NCKAP5: variants seen among roughly 807,000 people sequenced by gnomAD.
NCKAP5 encodes the protein NCK associated protein 5.
In NCKAP5, 92 loss-of-function variants were observed where a neutral mutation model predicts 167.0. The observed-to-expected ratio is 0.55, with a 90% CI of 0.47 to 0.66. The LOEUF (loss-of-function observed/expected upper bound fraction) is 0.66. NCKAP5 is among the 30% of genes least tolerant of loss of function. NCKAP5 has a pLI of 0.00. For synonymous variants in NCKAP5, 891 were observed against 877.4 expected, an observed-to-expected ratio of 1.02 and a Z score of -0.27; for missense variants, 2,378 against 2,315.0, an observed-to-expected ratio of 1.03 and a Z score of -0.56.
At chr2:133,097,870 C>G (rs1409056295) in intron 6 of NCKAP5, among the ~76,000 whole-genome samples, 1 of 152,096 alleles carries the variant, frequency 6.6e-6, no homozygotes, top group African/African-American at 2.4e-5. Flanking sequence ...GTTTGGGATT[C>G]CTGATGAGTA....
chr2:133,470,043 A>G (rs1056605544), intron 3 of NCKAP5, among the ~76,000 whole-genome samples: 3,014 of 152,066 alleles, frequency 0.02, 105 homozygotes, highest in African/African-American at 0.069. Flanking sequence ...GCTTTGTTCC[A>G]TTGCTGGTGA....
At chr2:132,981,701 C>T (rs543320405) in intron 7 of NCKAP5, among the ~76,000 whole-genome samples, 3 of 152,146 alleles carry the variant, frequency 2.0e-5, no homozygotes, top group Non-Finnish European at 4.4e-5. Context: ...CCTTCCCCTT[C>T]GAATACTATG....
rs567709426 is a variant in NCKAP5, at chr2:133,088,164, G to A, written c.341+41814C>T. Among the ~76,000 whole-genome samples the A allele has an allele frequency of 9.2e-5, 14 of 152,222 alleles. No individual in the cohort carries two copies. In the South Asian group the frequency reaches 1.7e-3, roughly 18 times the overall value. ...AGATTAACTGTAGAATCTTCACACC[G>A]ATCTGATGTGTAAGAATCAAGTAAT... On this transcript the variant is annotated intron_variant, in intron 6 of 19. Transcript: ENST00000409261.
intron 8 of NCKAP5, among the ~76,000 whole-genome samples, chr2:132,887,365 TTCCATCCATCCATCCA>T (rs142512555): frequency 7.5e-6 from 1 of 133,810 alleles, no homozygotes; most frequent in Non-Finnish European, 1.6e-5. Flanking sequence ...CCATCCATCT[TTCCATCCATCCATCCA>T]TCCATCCATC....
chr2:132,852,953 T>C (rs1358603275), intron 11 of NCKAP5, among the ~76,000 whole-genome samples: 1 of 152,208 alleles, frequency 6.6e-6, no homozygotes, highest in South Asian at 2.1e-4. Context: ...TGAAACTGTG[T>C]CTAAACTATC....
At chr2:132,758,668 C>T (rs1289786454) in intron 16 of NCKAP5, among the ~76,000 whole-genome samples, 1 of 152,102 alleles carries the variant, frequency 6.6e-6, no homozygotes, top group Non-Finnish European at 1.5e-5. Flanking sequence ...CTTTCCCTCT[C>T]TCTCTCCTCT....
At chr2:132,776,402 C>A (rs1365791961) in intron 15 of NCKAP5, among the ~76,000 whole-genome samples, 2 of 152,216 alleles carry the variant, frequency 1.3e-5, no homozygotes, top group Non-Finnish European at 2.9e-5. Flanking sequence ...TCCTACCTGT[C>A]AGCTCCTTGC....
At chr2:133,441,419 T>A (rs780113072) in intron 3 of NCKAP5, among the ~76,000 whole-genome samples, 3 of 152,306 alleles carry the variant, frequency 2.0e-5, no homozygotes, top group Non-Finnish European at 4.4e-5. Context: ...AAAAGCCTAA[T>A]TCTAATAAAA....
At chr2:133,632,934 C>T in the NCKAP5 span, among the ~76,000 whole-genome samples, 2 of 152,132 alleles carry the variant, frequency 1.3e-5, no homozygotes, top group Non-Finnish European at 1.5e-5. Context: ...AAAAGAATCA[C>T]CTTAAGTTTA....
the NCKAP5 span, among the ~76,000 whole-genome samples, chr2:133,575,998 G>A: frequency 6.6e-6 from 1 of 152,248 alleles, no homozygotes; most frequent in Non-Finnish European, 1.5e-5. Context: ...CTCCATGCTA[G>A]CATGGTGCTA....
At chr2:132,785,794 G>A (rs1683518545) in intron 13 of NCKAP5, 76 bp from the exon 14 acceptor site, 2 of 1,224,234 alleles carry the variant, frequency 1.6e-6, no homozygotes, top group Middle Eastern at 2.1e-4. Flanking sequence ...AGTACATCAT[G>A]GGACTTAATT....
Position 132,980,292 on chromosome 2 carries a change from C to T in NCKAP5, c.429+13860G>A, listed in dbSNP as rs952435475. ...CAGGTGTGAGCCACTGCACCCAGCC[C>T]GCAATGATTCTTAACCCAGGCTTCA... On this transcript the variant is annotated intron_variant, in intron 7 of 19. Transcript: ENST00000409261. Among the ~76,000 whole-genome samples, 176 of 152,112 alleles carry T rather than the reference C, an allele frequency of 1.2e-3. 2 individuals are homozygous for T. The highest frequency in any genetic ancestry group is 2.2e-3 in the Admixed American group (33 of 15,278).
At position 133,202,122 on chromosome 2, in the gene NCKAP5, C is replaced by T. The variant is rs188515861; in HGVS notation, c.207+11594G>A. ...AACAAAGCTGGAGGCATCATGCTAC[C>T]TGACTTCAAACTATACTACAAGGCT... On this transcript the variant is annotated intron_variant, in intron 5 of 19. Transcript: ENST00000409261. 2.9e-3 allele frequency among the ~76,000 whole-genome samples: 447 copies of T among 152,256 alleles called. 1 individual carries two copies. Among genetic ancestry groups the T allele is most frequent in the African/African-American group, 9.4e-3 (389 of 41,544 alleles).
intron 8 of NCKAP5, among the ~76,000 whole-genome samples, chr2:132,952,100 C>A (rs1465626875): frequency 6.6e-6 from 1 of 152,128 alleles, no homozygotes; most frequent in Admixed American, 6.6e-5. Flanking sequence ...CAGTTTCTGA[C>A]ATCAAAATTT....
intron 11 of NCKAP5, among the ~76,000 whole-genome samples, chr2:132,845,525 CA>C (rs1240537178): frequency 1.3e-5 from 2 of 152,112 alleles, no homozygotes; most frequent in Non-Finnish European, 2.9e-5. Context: ...AAATGCACCA[CA>C]ACCATTTATG....
intron 11 of NCKAP5, among the ~76,000 whole-genome samples, chr2:132,829,522 T>A (rs1463364695): frequency 6.6e-6 from 1 of 152,244 alleles, no homozygotes; most frequent in East Asian, 1.9e-4. Context: ...AGCTTTTGCC[T>A]ACCACTGCAG....
chr2:132,984,644 A>G (rs1288099167), intron 7 of NCKAP5, among the ~76,000 whole-genome samples: 1 of 152,056 alleles, frequency 6.6e-6, no homozygotes, highest in Admixed American at 6.6e-5. Context: ...TCAGTAATGA[A>G]AGTGTATGTT....
At chr2:133,235,992 G>T (rs888842728) in intron 4 of NCKAP5, among the ~76,000 whole-genome samples, 1 of 147,864 alleles carries the variant, frequency 6.8e-6, no homozygotes. Flanking sequence ...GCTTGAGCTG[G>T]GAAGTGGAGG....
Position 132,777,364 on chromosome 2 carries a change from T to G in NCKAP5, c.5050-3470A>C, listed in dbSNP as rs1303501454. On this transcript the variant is annotated intron_variant, in intron 15 of 19. Transcript: ENST00000409261. ...GAAAATAATTCACCATTGACATAAT[T>G]GATATAATTTCATAATTAAACCCAA... 2.6e-5 allele frequency among the ~76,000 whole-genome samples: 4 copies of G among 152,288 alleles called. No individual in the cohort carries two copies. In the East Asian group the frequency reaches 7.7e-4, roughly 29 times the overall value.
Sources: gnomAD v4.1 joint callset for allele counts (sites outside exome capture counted in the v4.1 genomes callset) on GRCh38, gnomAD v4.1.1 for gene constraint, MANE v1.5 for transcripts, NCBI Gene and HGNC (gene_info 2026-07-23, HGNC 2026-07-21) for gene names.